Variants in TFDP1 observed in about 807,000 individuals in gnomAD.
TFDP1 encodes transcription factor Dp-1.
TFDP1 carries 6 observed loss-of-function variants against 48.0 expected under a neutral mutation model. That is an observed-to-expected ratio of 0.13 (90% CI 0.07 to 0.25). TFDP1 has a LOEUF of 0.25. Among genes scored for constraint, TFDP1 ranks in the 10% least tolerant of loss-of-function variants. The probability of loss-of-function intolerance (pLI) is 1.00; values close to 1 mark genes in which losing one functional copy is unlikely to be tolerated. For synonymous variants in TFDP1, 201 were observed against 211.6 expected, an observed-to-expected ratio of 0.95 and a Z score of 0.44; for missense variants, 335 against 543.0, an observed-to-expected ratio of 0.62 and a Z score of 3.81.
Position 113,602,198 on chromosome 13 carries a change from A to G in TFDP1, c.13-8798A>G, listed in dbSNP as rs185455434. On this transcript the variant is annotated intron_variant, in intron 2 of 11. Transcript: ENST00000375370. ...AGTCGAGGGAGGAGTGGACGGAGTT[A>G]CCCGCAGGAGCTGAGGGAGGAGCGG... 2.6e-4 allele frequency among the ~76,000 whole-genome samples: 38 copies of G among 148,656 alleles called. No individual in the cohort carries two copies. The East Asian group carries it at 7.5e-3, about 29-fold the overall frequency.
In TFDP1 at chr13:113,636,614, G is replaced by C; in HGVS notation, c.920G>C (p.Cys307Ser). The C allele has an allele frequency of 6.2e-7, 1 of 1,614,116 alleles. No individual in the cohort carries two copies. The highest frequency in any genetic ancestry group is 8.5e-7 in the Non-Finnish European group (1 of 1,180,032). Residue 307 changes from cysteine (C) to serine (S), a missense_variant, in exon 10 of 12, where the codon TGC becomes TCC. Around this residue, in one of 3 missense-constraint regions of TFDP1, gnomAD observed 204 missense variants for 287.1 expected, o/e 0.71. Transcript: ENST00000375370. ...IEVLKRMGMACGLESGSCSAE... is the reference protein window; with the variant it reads ...IEVLKRMGMASGLESGSCSAE... ...GTGCTGAAGCGGATGGGCATGGCTT[G>C]CGGGCTGGAGTCGGGGAGCTGCTCT...
chr13:113,619,436 C>T (rs1461296126), intron 3 of TFDP1, among the ~76,000 whole-genome samples: 2 of 150,918 alleles, frequency 1.3e-5, no homozygotes, highest in Admixed American at 1.3e-4. Context: ...ATGTCACTGC[C>T]CTCCAGCCTG....
Position 113,636,003 on chromosome 13 carries a change from G to A in TFDP1, c.714G>A (p.Gln238=), listed in dbSNP as rs2049476657. 1 of 1,614,032 alleles carries A rather than the reference G, an allele frequency of 6.2e-7. No homozygotes were observed. Among genetic ancestry groups the A allele is most frequent in the South Asian group, 1.1e-5 (1 of 91,084 alleles). The change falls in exon 9 of 12, where the codon CAG becomes CAA. Residue 238 remains glutamine, a synonymous_variant. Transcript: ENST00000375370. The part of the protein sequence containing the change: ...LQQIAFKNLV[Q]RNRHAEQQAS... Reference sequence around the variant, plus strand: ...AAATTGCCTTCAAGAACCTGGTGCAGAGAAACCGGCATGCGGAGCAGCAGG... The same window carrying A: ...AAATTGCCTTCAAGAACCTGGTGCAAAGAAACCGGCATGCGGAGCAGCAGG...
At chr13:113,629,494 A>G (rs1195895489) in intron 4 of TFDP1, among the ~76,000 whole-genome samples, 1 of 152,154 alleles carries the variant, frequency 6.6e-6, no homozygotes, top group Non-Finnish European at 1.5e-5. Context: ...TTCAGTGGAA[A>G]CTGCTTCCAC....
At chr13:113,625,093 G>A (rs377421290) in intron 4 of TFDP1, among the ~76,000 whole-genome samples, 9 of 129,350 alleles carry the variant, frequency 7.0e-5, no homozygotes, top group East Asian at 2.5e-4. Flanking sequence ...TGTCTCTCAC[G>A]TGTCCTCAGG....
intron 8 of TFDP1, among the ~76,000 whole-genome samples, chr13:113,635,703 T>G (rs2049466410): frequency 6.6e-6 from 1 of 152,176 alleles, no homozygotes; most frequent in Admixed American, 6.5e-5. Flanking sequence ...ATTGGTGTTT[T>G]GTTGAGCGCC....
At chr13:113,585,237 C>G (rs2047970127) in intron 1 of TFDP1, 1 of 149,702 alleles carries the variant, frequency 6.7e-6, no homozygotes, top group East Asian at 2.0e-4. Context: ...CGGCGGCCCG[C>G]GGGGACCCGG....
intron 2 of TFDP1, among the ~76,000 whole-genome samples, chr13:113,604,103 G>T (rs2048505630): frequency 6.7e-6 from 1 of 149,886 alleles, no homozygotes; most frequent in Non-Finnish European, 1.5e-5. Flanking sequence ...CAAGGCTGCA[G>T]TGAGCTGAGA....
chr13:113,605,984 G>A (rs1302283262), intron 2 of TFDP1, among the ~76,000 whole-genome samples: 3 of 141,690 alleles, frequency 2.1e-5, no homozygotes, highest in South Asian at 4.5e-4. Flanking sequence ...GTGGGAAGGC[G>A]GCGTGGTGGT....
At position 113,633,051 on chromosome 13, in the gene TFDP1, G is replaced by A; in HGVS notation, c.309-69G>A. 3 of 1,591,626 alleles carry A rather than the reference G, an allele frequency of 1.9e-6. No individual in the cohort carries two copies. The highest frequency in any genetic ancestry group is 1.7e-6 in the Non-Finnish European group (2 of 1,167,930). ...AGCTCATTAGAGCTCTCAGGTAAAA[G>A]CATTCCTCGATTCAGGCTGATCCTC... is the stretch of plus-strand genomic sequence containing the variant. On this transcript the variant is annotated intron_variant, in intron 5 of 11. Transcript: ENST00000375370. This position sits in a 1 kb window ranked among gnomAD's most constrained non-coding sequence, Gnocchi z 4.5.
At chr13:113,625,498 T>C (rs111696461) in intron 4 of TFDP1, among the ~76,000 whole-genome samples, 2,340 of 36,148 alleles carry the variant, frequency 0.065, 300 homozygotes, top group African/African-American at 0.2. Flanking sequence ...TCTCACGTGT[T>C]CTCAGGTGTC....
intron 2 of TFDP1, 81 bp from the exon 3 acceptor site, chr13:113,610,915 C>T (rs2048694038): frequency 7.7e-7 from 1 of 1,295,682 alleles, no homozygotes; most frequent in Admixed American, 1.7e-5. Context: ...TTGATAGAAC[C>T]CTTGAGGGTG....
intron 4 of TFDP1, 68 bp from the exon 5 acceptor site, chr13:113,631,555 A>T: frequency 1.9e-6 from 3 of 1,551,832 alleles, no homozygotes; most frequent in Non-Finnish European, 2.6e-6. Flanking sequence ...TAGCGAACAG[A>T]TGGTGGGCAT....
intron 8 of TFDP1, among the ~76,000 whole-genome samples, chr13:113,635,611 C>A (rs1049351433): frequency 2.0e-5 from 3 of 152,188 alleles, no homozygotes; most frequent in Non-Finnish European, 4.4e-5. Context: ...CACGGCACCC[C>A]CTCCAAGGCC....
At position 113,611,984 on chromosome 13, in the gene TFDP1, A is replaced by G. The variant is rs541473458; in HGVS notation, c.79+922A>G. ...GGATGTGTTTCCGTTTTGGGTTCCTAAAAGGAACCTTAAGATTTTTCTAAT... is the reference window on the plus strand; with the variant it reads ...GGATGTGTTTCCGTTTTGGGTTCCTGAAAGGAACCTTAAGATTTTTCTAAT... On this transcript the variant is annotated intron_variant, in intron 3 of 11. Transcript: ENST00000375370. 5.5e-4 allele frequency among the ~76,000 whole-genome samples: 84 copies of G among 152,342 alleles called. 1 individual carries two copies. Among genetic ancestry groups the G allele is most frequent in the African/African-American group, 1.9e-3 (77 of 41,574 alleles).
chr13:113,621,463 A>G (rs1013571909), intron 3 of TFDP1, among the ~76,000 whole-genome samples: 5 of 152,260 alleles, frequency 3.3e-5, no homozygotes, highest in African/African-American at 1.2e-4. Flanking sequence ...TATTCCAGAT[A>G]TAGATCTTAG....
chr13:113,613,148 C>A (rs771379762), intron 3 of TFDP1, among the ~76,000 whole-genome samples: 1 of 152,180 alleles, frequency 6.6e-6, no homozygotes, highest in Non-Finnish European at 1.5e-5. Flanking sequence ...TCCAGAGTAG[C>A]TGGGATTAGA....
intron 2 of TFDP1, among the ~76,000 whole-genome samples, chr13:113,608,939 T>C (rs2048637523): frequency 6.6e-6 from 1 of 152,232 alleles, no homozygotes; most frequent in Non-Finnish European, 1.5e-5. Flanking sequence ...CAACCTGGCC[T>C]GGATGGTAGT....
Position 113,640,315 on chromosome 13 carries a change from G to C in TFDP1, c.*48G>C, listed in dbSNP as rs1251799279. ...GCTTCAGGAAAACGTTTAGCGAAAA[G>C]AAACTTTTTTTTTAATGTGGGTTTT... On this transcript the variant is annotated 3_prime_UTR_variant, in exon 12 of 12. Transcript: ENST00000375370. The C allele has an allele frequency of 6.4e-7, 1 of 1,562,552 alleles. No homozygotes were observed. The highest frequency in any genetic ancestry group is 8.6e-7 in the Non-Finnish European group (1 of 1,156,786).
Sources: allele counts gnomAD v4.1 joint callset (sites outside exome capture counted in the v4.1 genomes callset), GRCh38; gene constraint gnomAD v4.1.1; regional missense constraint gnomAD v4.1.1; non-coding constraint Gnocchi (gnomAD v3.1); transcripts MANE v1.5; gene names NCBI Gene and HGNC (gene_info 2026-07-23, HGNC 2026-07-21).